The following ZBTB20 variants were observed in gnomAD, a reference collection of about 807,000 sequenced individuals.
ZBTB20 encodes zinc finger and BTB domain containing 20.
ZBTB20 carries 9 observed loss-of-function variants against 56.9 expected under a neutral mutation model. That is an observed-to-expected ratio of 0.16 (90% CI 0.10 to 0.28). The LOEUF (loss-of-function observed/expected upper bound fraction) is 0.28. Ranked by LOEUF, ZBTB20 falls within the 10% of genes least tolerant of loss-of-function variation. The probability of loss-of-function intolerance (pLI) is 1.00; values close to 1 mark genes in which losing one functional copy is unlikely to be tolerated. For missense variants in ZBTB20, 655 were observed against 1,003.0 expected (o/e 0.65, Z 4.69); for synonymous variants, 417 against 420.7 (o/e 0.99, Z 0.11).
At chr3:114,499,620 G>C (rs985440214) in intron 7 of ZBTB20, among the ~76,000 whole-genome samples, 1 of 152,080 alleles carries the variant, frequency 6.6e-6, no homozygotes, top group African/African-American at 2.4e-5. Flanking sequence ...GGGTTCATTG[G>C]CCTAGAATCT....
At chr3:114,431,958 T>G (rs1056679219) in intron 7 of ZBTB20, among the ~76,000 whole-genome samples, 45 of 152,234 alleles carry the variant, frequency 3.0e-4, no homozygotes, top group Middle Eastern at 3.4e-3. Flanking sequence ...ACCAAAAATC[T>G]CTAGTCATCT....
chr3:114,907,399 C>T (rs1039799236), intron 3 of ZBTB20, among the ~76,000 whole-genome samples: 4 of 151,780 alleles, frequency 2.6e-5, no homozygotes, highest in Admixed American at 6.6e-5. Context: ...CTGTCTAAAT[C>T]GTTATCTTTT....
chr3:114,841,108 T>A (rs2074365948), intron 4 of ZBTB20, among the ~76,000 whole-genome samples: 1 of 152,142 alleles, frequency 6.6e-6, no homozygotes, highest in Non-Finnish European at 1.5e-5. Context: ...GACATACTAC[T>A]CCCTACCTTA....
chr3:114,380,899 T>A lies in ZBTB20; in HGVS notation c.-112A>T. On this transcript the variant is annotated 5_prime_UTR_variant, in exon 9 of 12. It adds an upstream start codon to the 5' untranslated region. Transcript: ENST00000675478. Reference sequence around the variant, plus strand: ...TGTGCCTCTAACTTGCTGTGTGGCCTTGGGCACCTCACTTCACCTCTCTGG... The same window carrying A: ...TGTGCCTCTAACTTGCTGTGTGGCCATGGGCACCTCACTTCACCTCTCTGG... The A allele has an allele frequency of 2.1e-6, 2 of 935,590 alleles. No individual in the cohort carries two copies. The highest frequency in any genetic ancestry group is 2.9e-6 in the Non-Finnish European group (2 of 678,512). The allele number at this position is 935,590 out of a possible 1,614,324, so 58.0% of individuals were successfully genotyped here.
At chr3:114,849,487 T>C (rs2074887563) in intron 4 of ZBTB20, among the ~76,000 whole-genome samples, 1 of 152,208 alleles carries the variant, frequency 6.6e-6, no homozygotes, top group African/African-American at 2.4e-5. Flanking sequence ...AATAAAGGCA[T>C]AGCAAACTAT....
chr3:114,751,812 G>A (rs2067582445), intron 5 of ZBTB20, among the ~76,000 whole-genome samples: 1 of 152,036 alleles, frequency 6.6e-6, no homozygotes, highest in African/African-American at 2.4e-5. Flanking sequence ...TATCTACTGA[G>A]CTAAATCGTA....
At chr3:115,028,618 G>A (rs374324930) in intron 2 of ZBTB20, among the ~76,000 whole-genome samples, 7 of 149,244 alleles carry the variant, frequency 4.7e-5, no homozygotes, top group South Asian at 4.2e-4. Flanking sequence ...ACTTCTCAGC[G>A]AGTTAAATAT....
intron 7 of ZBTB20, among the ~76,000 whole-genome samples, chr3:114,397,441 C>G (rs2086428350): frequency 6.6e-6 from 1 of 151,452 alleles, no homozygotes; most frequent in African/African-American, 2.4e-5. Context: ...ATATCTTTTC[C>G]CATGTTCCCT....
chr3:114,974,630 T>C (rs569972552), intron 2 of ZBTB20, among the ~76,000 whole-genome samples: 44 of 152,284 alleles, frequency 2.9e-4, no homozygotes, highest in Non-Finnish European at 5.4e-4. Flanking sequence ...TATACATTTT[T>C]GAGGAGGCAT....
At chr3:114,424,179 T>G (rs774260831) in intron 7 of ZBTB20, among the ~76,000 whole-genome samples, 5 of 152,182 alleles carry the variant, frequency 3.3e-5, no homozygotes, top group Admixed American at 6.5e-5. Flanking sequence ...TTTGAAACAA[T>G]GTATTATTCA....
intron 6 of ZBTB20, among the ~76,000 whole-genome samples, chr3:114,670,867 C>T (rs1260932045): frequency 6.6e-5 from 10 of 152,118 alleles, no homozygotes; most frequent in Non-Finnish European, 1.5e-4. Flanking sequence ...GGGTCAAATG[C>T]AGCCTACTCT....
At chr3:114,921,199 T>C (rs1560400424) in intron 3 of ZBTB20, among the ~76,000 whole-genome samples, 2 of 152,190 alleles carry the variant, frequency 1.3e-5, no homozygotes, top group African/African-American at 2.4e-5. Flanking sequence ...CTTGGCTCAC[T>C]GCAACCTCCA....
chr3:114,789,704 G>T (rs2070798235), intron 5 of ZBTB20, among the ~76,000 whole-genome samples: 1 of 152,132 alleles, frequency 6.6e-6, no homozygotes, highest in South Asian at 2.1e-4. Context: ...AAGAGTAGAA[G>T]AGGCATCAGT....
intron 6 of ZBTB20, among the ~76,000 whole-genome samples, chr3:114,531,206 T>C (rs892845835): frequency 1.3e-5 from 2 of 152,188 alleles, no homozygotes; most frequent in Non-Finnish European, 2.9e-5. Context: ...ACCTTCTTCC[T>C]CCTGTGTTCC....
chr3:114,937,378 G>A (rs1161461047), intron 3 of ZBTB20, among the ~76,000 whole-genome samples: 7 of 151,782 alleles, frequency 4.6e-5, no homozygotes, highest in Non-Finnish European at 7.4e-5. Context: ...GTGATGACGA[G>A]CTTTTTTTCA....
intron 4 of ZBTB20, among the ~76,000 whole-genome samples, chr3:114,829,405 G>A (rs1372922050): frequency 6.6e-6 from 1 of 151,672 alleles, no homozygotes; most frequent in African/African-American, 2.4e-5. Context: ...CCAGCTGATA[G>A]GAAAAAAGAA....
intron 4 of ZBTB20, chr3:114,861,780 T>C (rs917205910): frequency 1.3e-5 from 2 of 152,080 alleles, no homozygotes; most frequent in African/African-American, 4.8e-5. Flanking sequence ...TTGGAGTGCA[T>C]TGCCACTTTG....
intron 11 of ZBTB20, among the ~76,000 whole-genome samples, chr3:114,343,794 T>C (rs2079977997): frequency 6.6e-6 from 1 of 151,798 alleles, no homozygotes; most frequent in African/African-American, 2.4e-5. Context: ...ACGCCTGTAA[T>C]CCCTGTAACT....
rs1330288010 is a variant in ZBTB20 at position 114,320,527 on chromosome 3, T to C, written c.*18478A>G. ...TTACATAATTCCAACTATGGTATGA[T>C]TGGCAAGCACTGGTTAAAAAACAGG... On this transcript the variant is annotated 3_prime_UTR_variant, in exon 12 of 12. Coordinates refer to ENST00000675478, the MANE Select transcript of ZBTB20 (RefSeq NM_001348800.3). The C allele has an allele frequency of 6.6e-6, 1 of 152,204 alleles. No homozygotes were observed. Among genetic ancestry groups the C allele is most frequent in the Non-Finnish European group, 1.5e-5 (1 of 68,026 alleles). 9.4% of individuals were successfully genotyped at this position (152,204 alleles called of 1,614,324 possible).
Sources: gnomAD v4.1 joint callset for allele counts (sites outside exome capture counted in the v4.1 genomes callset) on GRCh38, gnomAD v4.1.1 for gene constraint, MANE v1.5 for transcripts, NCBI Gene and HGNC (gene_info 2026-07-23, HGNC 2026-07-21) for gene names.